The following CIDEA variants were observed in gnomAD, a reference collection of about 807,000 sequenced individuals.
The protein encoded by CIDEA is cell death inducing DFFA like effector a, also known as lipid transferase CIDEA.
CIDEA carries 10 observed loss-of-function variants against 18.2 expected under a neutral mutation model. The observed-to-expected ratio is 0.55, with a 90% CI of 0.34 to 0.93. The LOEUF (loss-of-function observed/expected upper bound fraction) is 0.93, where lower values mean the gene tolerates loss of function less well. CIDEA is among the 40% of genes least tolerant of loss of function. The pLI is 0.02. For synonymous variants in CIDEA, 128 were observed against 124.8 expected (o/e 1.03, Z -0.17); for missense variants, 309 against 293.1 (o/e 1.05, Z -0.40).
At chr18:12,261,270 G>T (rs904964107) in intron 1 of CIDEA, among the ~76,000 whole-genome samples, 1 of 152,178 alleles carries the variant, frequency 6.6e-6, no homozygotes, top group Non-Finnish European at 1.5e-5. Context: ...TGCAATCCCA[G>T]CTACTCAGGA....
rs756144373 is a variant in CIDEA at position 12,254,573 on chromosome 18, C to A, written c.38+152C>A. 3.9e-6 allele frequency: 6 copies of A among 1,527,024 alleles called. No individual in the cohort carries two copies. In the South Asian group the frequency reaches 6.0e-5, roughly 15 times the overall value. The allele number at this position is 1,527,024 out of a possible 1,614,324, so 94.6% of individuals were successfully genotyped here. On this transcript the variant is annotated intron_variant, in intron 1 of 4. Coordinates refer to ENST00000320477, the MANE Select transcript of CIDEA (RefSeq NM_001279.4). ...CTTGCGCTCCGCGACCCCGCGCACACACCCATCCGCCCCACTGGTGCCCAA... is the reference window on the plus strand; with the variant it reads ...CTTGCGCTCCGCGACCCCGCGCACAAACCCATCCGCCCCACTGGTGCCCAA...
At position 12,263,644 on chromosome 18, in the gene CIDEA, T is replaced by C. The variant is rs1912260558; in HGVS notation, c.184-663T>C. On this transcript the variant is annotated intron_variant, in intron 2 of 4. Transcript: ENST00000320477. Reference sequence around the variant, plus strand: ...CCGACTTTGGAAGTCTGGGTTTGGTTGTAAAGGCCAGGATCTAGAACAGTG... The same window carrying C: ...CCGACTTTGGAAGTCTGGGTTTGGTCGTAAAGGCCAGGATCTAGAACAGTG... The C allele has an allele frequency of 3.3e-5, 5 of 152,220 alleles. No individual in the cohort carries two copies. In the South Asian group the frequency reaches 1.0e-3, roughly 32 times the overall value. The allele number at this position is 152,220 out of a possible 1,614,324, so 9.4% of individuals were successfully genotyped here.
rs1027476817 is a variant in CIDEA, at chr18:12,262,334, A to G, written c.39-491A>G. On this transcript the variant is annotated intron_variant, in intron 1 of 4. Coordinates refer to ENST00000320477, the MANE Select transcript of CIDEA (RefSeq NM_001279.4). ...TTGGTTCCTCCTAAGTTGATTTCAG[A>G]AACTTCATTGATTGCTATAGTGACC... is the stretch of plus-strand genomic sequence containing the variant. Among the ~76,000 whole-genome samples, 4 of 152,126 alleles carry G rather than the reference A, an allele frequency of 2.6e-5. No individual in the cohort carries two copies. The East Asian group carries it at 7.7e-4, about 29-fold the overall frequency.
intron 1 of CIDEA, among the ~76,000 whole-genome samples, chr18:12,257,388 T>G (rs1237177951): frequency 6.6e-6 from 1 of 152,218 alleles, no homozygotes. Flanking sequence ...ATATTTCACT[T>G]TGAGGAAGAC....
intron 4 of CIDEA, among the ~76,000 whole-genome samples, chr18:12,274,994 C>T (rs568865305): frequency 9.2e-5 from 14 of 152,342 alleles, no homozygotes; most frequent in Non-Finnish European, 1.9e-4. Context: ...TCACAGACTC[C>T]TTAACTTCTC....
At position 12,274,266 on chromosome 18, in the gene CIDEA, C is replaced by G; in HGVS notation, c.504C>G (p.Gly168=). Residue 168 remains glycine (G), a synonymous_variant, in exon 4 of 5, where the codon GGC becomes GGG. Coordinates refer to ENST00000320477, the MANE Select transcript of CIDEA (RefSeq NM_001279.4). The stretch of plus-strand genomic sequence containing the variant: ...ACATCCGGTGCACGGGACTCAAGGG[C>G]CTGCTGAGGTAACACACTCCAGGGG... ...SYDIRCTGLK[G]LLRSLLRFLS... is the part of the protein sequence containing the mutation. 1.2e-6 allele frequency: 2 copies of G among 1,614,118 alleles called. No homozygotes were observed. Among genetic ancestry groups the G allele is most frequent in the Non-Finnish European group, 1.7e-6 (2 of 1,179,984 alleles).
chr18:12,257,764 C>T (rs1168385942), intron 1 of CIDEA, among the ~76,000 whole-genome samples: 1 of 152,000 alleles, frequency 6.6e-6, no homozygotes, highest in Non-Finnish European at 1.5e-5. Flanking sequence ...CCCACTTTCA[C>T]AGGAATTAGG....
chr18:12,254,533 T>A (rs1177063407), intron 1 of CIDEA, 112 bp downstream of exon 1: 1 of 1,535,460 alleles, frequency 6.5e-7, no homozygotes, highest in Non-Finnish European at 8.7e-7. Flanking sequence ...TTCAGCCCCC[T>A]GCTCCCCGCA....
chr18:12,277,423 G>T lies in CIDEA; in HGVS notation c.*153G>T. 4.5e-6 allele frequency: 4 copies of T among 880,902 alleles called. No homozygotes were observed. The South Asian group carries it at 5.1e-5, about 11-fold the overall frequency. 54.6% of individuals were successfully genotyped at this position (880,902 alleles called of 1,614,324 possible). A position where few individuals can be genotyped will look rare whatever the true frequency, so the allele number is the denominator to read the frequency against. ...TGGTGCCCAGAAAAGGAAAGGGCTT[G>T]GTGGTACATGAAGTGGGGGCAGTGG... On this transcript the variant is annotated 3_prime_UTR_variant, in exon 5 of 5. Transcript: ENST00000320477.
chr18:12,264,523 T>C, intron 3 of CIDEA, 70 bp downstream of exon 3: 3 of 1,213,478 alleles, frequency 2.5e-6, no homozygotes, highest in African/African-American at 1.6e-5. Context: ...TGTGCCCTAC[T>C]TGGGTGTTGA....
Position 12,258,347 on chromosome 18 carries a change from A to G in CIDEA, c.38+3926A>G, listed in dbSNP as rs372343005. 6.2e-4 allele frequency among the ~76,000 whole-genome samples: 94 copies of G among 152,364 alleles called. No individual in the cohort carries two copies. In the Middle Eastern group the frequency reaches 0.01, roughly 17 times the overall value. On this transcript the variant is annotated intron_variant, in intron 1 of 4. Transcript: ENST00000320477. Reference sequence around the variant, plus strand: ...TACGAAGGCGTGAGCATGTTCGTCCAATGAGGAGATGCAGGGCCAGGGCTG... The same window carrying G: ...TACGAAGGCGTGAGCATGTTCGTCCGATGAGGAGATGCAGGGCCAGGGCTG...
intron 3 of CIDEA, among the ~76,000 whole-genome samples, chr18:12,273,157 A>C (rs1227843735): frequency 6.6e-6 from 1 of 152,204 alleles, no homozygotes; most frequent in Admixed American, 6.5e-5. Flanking sequence ...GGAATAAAGA[A>C]GGCTGGCCAC....
At chr18:12,272,168 GGGGGT>G (rs1307489225) in intron 3 of CIDEA, among the ~76,000 whole-genome samples, 1 of 12,738 alleles carries the variant, frequency 7.9e-5, no homozygotes, top group African/African-American at 1.2e-4. Context: ...GGGGTTGGGG[GGGGGT>G]TGTTGTTGTT....
chr18:12,256,046 G>A (rs1400686689), intron 1 of CIDEA, among the ~76,000 whole-genome samples: 1 of 152,184 alleles, frequency 6.6e-6, no homozygotes, highest in East Asian at 1.9e-4. Flanking sequence ...CTGCTCCCAG[G>A]CTGAACTACT....
chr18:12,254,644 C>T (rs1023486725), intron 1 of CIDEA: 14 of 1,529,578 alleles, frequency 9.2e-6, no homozygotes, highest in Non-Finnish European at 1.1e-5. Context: ...CGTCCCGCGC[C>T]TCCTCACCCT....
intron 1 of CIDEA, among the ~76,000 whole-genome samples, chr18:12,256,360 G>A (rs373695688): frequency 5.3e-5 from 8 of 152,294 alleles, no homozygotes; most frequent in Middle Eastern, 3.4e-3. Flanking sequence ...GGAAAGAACC[G>A]AATCAATGTG....
intron 1 of CIDEA, among the ~76,000 whole-genome samples, chr18:12,255,357 C>T (rs930152138): frequency 6.6e-6 from 1 of 152,162 alleles, no homozygotes. Flanking sequence ...TGAAAGGGAG[C>T]GGTCCGGCTA....
chr18:12,254,563 C>CCCGCTCACACACCCAT, intron 1 of CIDEA, 142 bp downstream of exon 1: 1 of 1,509,726 alleles, frequency 6.6e-7, no homozygotes, highest in South Asian at 1.2e-5. Context: ...GCTCCGCGAC[C>CCCGCTCACACACCCAT]CCGCGCACAC....
At chr18:12,270,901 T>TC (rs1555662497) in intron 3 of CIDEA, among the ~76,000 whole-genome samples, 1 of 136,420 alleles carries the variant, frequency 7.3e-6, no homozygotes, top group Non-Finnish European at 1.6e-5. Context: ...TTTCTTTTTT[T>TC]TTTTTTTTTT....
Sources: gnomAD v4.1 joint callset for allele counts (sites outside exome capture counted in the v4.1 genomes callset) on GRCh38, gnomAD v4.1.1 for gene constraint, MANE v1.5 for transcripts, NCBI Gene and HGNC (gene_info 2026-07-23, HGNC 2026-07-21) for gene names.